Variants in PSD3 observed in about 807,000 individuals in gnomAD.
PSD3 encodes the protein PH and SEC7 domain-containing protein 3.
A neutral mutation model predicts 105.5 loss-of-function variants in PSD3; 49 were observed. The ratio of observed to expected loss-of-function variants is 0.46; its 90% CI spans 0.37 to 0.59. The LOEUF is 0.59. Ranked by LOEUF, PSD3 falls within the 20% of genes least tolerant of loss-of-function variation. The pLI, the probability that PSD3 is intolerant of heterozygous loss-of-function variation, is 0.00. For missense variants in PSD3, 1,561 were observed against 1,263.8 expected (o/e 1.24, Z -3.57); for synonymous variants, 557 against 457.8 (o/e 1.22, Z -2.77).
intron 10 of PSD3, among the ~76,000 whole-genome samples, chr8:18,634,353 T>G (rs1288260793): frequency 6.6e-6 from 1 of 152,116 alleles, no homozygotes; most frequent in East Asian, 1.9e-4. Context: ...TACTTTTATT[T>G]TGAAAGAATT....
rs114562233 is a variant in PSD3 at position 18,811,727 on chromosome 8, G to A, written c.1635-6829C>T. ...AAAGGCTGCAGCATGTTAGATGTGT[G>A]AGGGCAAGCAAGAAAGCCAGAGTGG... On this transcript the variant is annotated intron_variant, in intron 4 of 15. Transcript: ENST00000327040. Among the ~76,000 whole-genome samples the A allele has an allele frequency of 8.7e-3, 1,325 of 152,280 alleles. 20 individuals are homozygous for A. The highest frequency in any genetic ancestry group is 0.03 in the African/African-American group (1,257 of 41,558).
intron 10 of PSD3, among the ~76,000 whole-genome samples, chr8:18,640,393 G>C (rs1024823000): frequency 1.3e-5 from 2 of 152,108 alleles, no homozygotes; most frequent in East Asian, 3.9e-4. Flanking sequence ...ATCTTGAATT[G>C]TAGTTCCTGT....
intron 12 of PSD3, among the ~76,000 whole-genome samples, chr8:18,599,265 T>TGG (rs201999027): frequency 5.3e-5 from 8 of 152,166 alleles, no homozygotes; most frequent in African/African-American, 1.9e-4. Context: ...AACACATATA[T>TGG]GGGGGGAAGC....
At chr8:18,862,082 T>C (rs912649165) in intron 4 of PSD3, among the ~76,000 whole-genome samples, 1 of 152,210 alleles carries the variant, frequency 6.6e-6, no homozygotes, top group Non-Finnish European at 1.5e-5. Context: ...GTTACTACTG[T>C]CATTGGTATT....
chr8:18,826,424 G>A (rs1402265416), intron 4 of PSD3, among the ~76,000 whole-genome samples: 5 of 152,166 alleles, frequency 3.3e-5, no homozygotes, highest in Non-Finnish European at 5.9e-5. Flanking sequence ...TGTATCAGTA[G>A]CAATTTCCCT....
At chr8:18,573,893 T>TA (rs1051141529) in intron 13 of PSD3, among the ~76,000 whole-genome samples, 20 of 152,206 alleles carry the variant, frequency 1.3e-4, no homozygotes, top group South Asian at 1.0e-3. Flanking sequence ...GTAAATATGC[T>TA]AAAAAAATCA....
chr8:18,915,569 G>A (rs1263373635), intron 2 of PSD3, among the ~76,000 whole-genome samples: 2 of 152,128 alleles, frequency 1.3e-5, no homozygotes, highest in Admixed American at 1.3e-4. Flanking sequence ...GCAAAGGACT[G>A]AAACAGACAT....
intron 4 of PSD3, among the ~76,000 whole-genome samples, chr8:18,838,669 C>T (rs974680977): frequency 2.6e-5 from 4 of 151,634 alleles, no homozygotes; most frequent in South Asian, 4.2e-4. Context: ...GGCGTGGTGG[C>T]GGGCACCTGT....
chr8:18,588,480 A>G (rs755210785), intron 12 of PSD3, among the ~76,000 whole-genome samples: 2 of 152,222 alleles, frequency 1.3e-5, no homozygotes, highest in Admixed American at 6.5e-5. Flanking sequence ...TTCTCATTGT[A>G]AGTAGATAGT....
chr8:18,686,024 A>C (rs577060760), intron 9 of PSD3, among the ~76,000 whole-genome samples: 8 of 152,284 alleles, frequency 5.3e-5, no homozygotes, highest in Non-Finnish European at 1.2e-4. Flanking sequence ...GTTAGATTAA[A>C]AAACAAACAA....
At chr8:18,908,695 C>A (rs1196849936) in intron 2 of PSD3, among the ~76,000 whole-genome samples, 1 of 152,204 alleles carries the variant, frequency 6.6e-6, no homozygotes, top group African/African-American at 2.4e-5. Context: ...TCATTTGGCA[C>A]TTAATTACGT....
intron 11 of PSD3, among the ~76,000 whole-genome samples, chr8:18,625,194 A>G (rs1806390668): frequency 1.1e-5 from 1 of 90,846 alleles, no homozygotes; most frequent in East Asian, 2.1e-4. Flanking sequence ...GAATACACAC[A>G]CACACACACA....
At chr8:18,857,447 C>A (rs973710466) in intron 4 of PSD3, among the ~76,000 whole-genome samples, 1 of 152,108 alleles carries the variant, frequency 6.6e-6, no homozygotes, top group Admixed American at 6.5e-5. Flanking sequence ...GTGTTGAGAA[C>A]CTAGGCTGCG....
intron 9 of PSD3, among the ~76,000 whole-genome samples, chr8:18,748,389 G>A (rs995727373): frequency 1.3e-5 from 2 of 152,064 alleles, no homozygotes; most frequent in African/African-American, 2.4e-5. Context: ...GGCTGGGCGC[G>A]ATGGCTCACA....
At chr8:19,008,957 T>C (rs1214007429) in intron 1 of PSD3, among the ~76,000 whole-genome samples, 6 of 152,242 alleles carry the variant, frequency 3.9e-5, no homozygotes, top group Non-Finnish European at 7.3e-5. Flanking sequence ...CCCTCTGTGG[T>C]TGAAGCATCT....
intron 4 of PSD3, among the ~76,000 whole-genome samples, chr8:18,841,374 T>C (rs755509544): frequency 6.6e-6 from 1 of 152,118 alleles, no homozygotes; most frequent in African/African-American, 2.4e-5. Flanking sequence ...GCAGCTCCCA[T>C]TCAGGCTCTC....
In PSD3 at chr8:18,871,908, G is replaced by A. The variant is rs1817380106; in HGVS notation, c.956C>T (p.Pro319Leu). 2.5e-6 allele frequency: 4 copies of A among 1,614,038 alleles called. No homozygotes were observed. The highest frequency in any genetic ancestry group is 3.4e-6 in the Non-Finnish European group (4 of 1,180,028). The change falls in exon 3 of 16, where the codon CCT becomes CTT. Residue 319 changes from proline (P) to leucine (L), a missense_variant. Physicochemically the swap from Pro to Leu is moderately conservative, Grantham distance 98 (BLOSUM62 -3). Transcript: ENST00000327040. ...TTGCAGTGATGTCTCAAAATCTATA[G>A]GATGCTGGGTCTCTCTCTTGTCTCC... Reference protein sequence around the residue: ...TGGDKRETQHPIDFETSLQRT... With the variant: ...TGGDKRETQHLIDFETSLQRT...
At chr8:19,061,803 T>C (rs1042516434) in intron 1 of PSD3, among the ~76,000 whole-genome samples, 2 of 142,100 alleles carry the variant, frequency 1.4e-5, no homozygotes, top group African/African-American at 2.5e-5. Flanking sequence ...AGACTCCGTC[T>C]AAAAAAAAAA....
chr8:18,645,306 A>T (rs1323213457), intron 10 of PSD3, among the ~76,000 whole-genome samples: 1 of 152,248 alleles, frequency 6.6e-6, no homozygotes, highest in Non-Finnish European at 1.5e-5. Flanking sequence ...ATTCATGTTC[A>T]ATATCATTTT....
Sources: gnomAD v4.1 joint callset for allele counts (sites outside exome capture counted in the v4.1 genomes callset) on GRCh38, gnomAD v4.1.1 for gene constraint, MANE v1.5 for transcripts, NCBI Gene and HGNC (gene_info 2026-07-23, HGNC 2026-07-21) for gene names.